The following HECW2 variants were observed in gnomAD, a reference collection of about 807,000 sequenced individuals.
The protein encoded by HECW2 is E3 ubiquitin-protein ligase HECW2.
In HECW2, 61 loss-of-function variants were observed where a neutral mutation model predicts 175.2. The ratio of observed to expected loss-of-function variants is 0.35; its 90% CI spans 0.28 to 0.43. The LOEUF (loss-of-function observed/expected upper bound fraction) is 0.43. Ranked by LOEUF, HECW2 falls within the 20% of genes least tolerant of loss-of-function variation. The pLI is 1.00. For missense variants in HECW2, 1,524 were observed against 2,000.5 expected (o/e 0.76, Z 4.54); for synonymous variants, 671 against 731.0 (o/e 0.92, Z 1.32).
At chr2:196,564,551 G>T (rs1013049318) in intron 1 of HECW2, among the ~76,000 whole-genome samples, 2 of 152,116 alleles carry the variant, frequency 1.3e-5, no homozygotes, top group African/African-American at 4.8e-5. Context: ...CATACATAGA[G>T]AATCAAATGT....
At chr2:196,497,686 G>T (rs944752208) in intron 1 of HECW2, among the ~76,000 whole-genome samples, 1 of 152,096 alleles carries the variant, frequency 6.6e-6, no homozygotes, top group Non-Finnish European at 1.5e-5. Flanking sequence ...ATAGAAACTA[G>T]AACCCCTTTT....
At chr2:196,512,884 G>A (rs1033819449) in intron 1 of HECW2, among the ~76,000 whole-genome samples, 1 of 151,796 alleles carries the variant, frequency 6.6e-6, no homozygotes, top group Non-Finnish European at 1.5e-5. Context: ...TAGAGACGGG[G>A]CCTCACCATG....
intron 18 of HECW2, among the ~76,000 whole-genome samples, 185 bp from the exon 19 acceptor site, chr2:196,254,214 G>A (rs1688964815): frequency 6.6e-6 from 1 of 152,130 alleles, no homozygotes; most frequent in Non-Finnish European, 1.5e-5. Flanking sequence ...TGTGAACCCT[G>A]TGGCTATTTC....
chr2:196,464,064 A>G (rs1696851222), intron 1 of HECW2, among the ~76,000 whole-genome samples: 1 of 151,466 alleles, frequency 6.6e-6, no homozygotes, highest in Non-Finnish European at 1.5e-5. Flanking sequence ...GGTTTAACCA[A>G]TACTTCTGAA....
intron 1 of HECW2, among the ~76,000 whole-genome samples, chr2:196,553,871 ATATT>A (rs999510889): frequency 6.6e-6 from 1 of 152,224 alleles, no homozygotes; most frequent in African/African-American, 2.4e-5. Context: ...GCCTCAAAAT[ATATT>A]TATGTGCTAG....
chr2:196,522,601 T>C (rs1237696589), intron 1 of HECW2, among the ~76,000 whole-genome samples: 2 of 152,158 alleles, frequency 1.3e-5, no homozygotes, highest in Non-Finnish European at 2.9e-5. Context: ...CTAGGGTTTT[T>C]ATGGTGTTAG....
rs34882745 is a variant in HECW2 at position 196,397,537 on chromosome 2, T to C, written c.292+35595A>G. On this transcript the variant is annotated intron_variant, in intron 2 of 28. Coordinates refer to ENST00000644978, the MANE Select transcript of HECW2 (RefSeq NM_001348768.2). ...AAGTGAGTTTGGTTTGTTTTTTCTT[T>C]TTATTATTTTTAAAAAATGTATTCT... Among the ~76,000 whole-genome samples, 898 of 152,344 alleles carry C rather than the reference T, an allele frequency of 5.9e-3. 9 individuals are homozygous for C. Among genetic ancestry groups the C allele is most frequent in the Non-Finnish European group, 0.011 (728 of 68,030 alleles).
chr2:196,266,188 C>T (rs1453960977), intron 17 of HECW2, among the ~76,000 whole-genome samples: 1 of 107,960 alleles, frequency 9.3e-6, no homozygotes, highest in Non-Finnish European at 1.9e-5. Flanking sequence ...AAAAAAAAAA[C>T]ACAAAACAAT....
intron 28 of HECW2, among the ~76,000 whole-genome samples, chr2:196,209,723 T>G (rs982062188): frequency 6.6e-6 from 1 of 151,964 alleles, no homozygotes; most frequent in Non-Finnish European, 1.5e-5. Context: ...AGGGTCCTTC[T>G]AGTACTCATC....
At chr2:196,228,794 A>G (rs1312389700) in intron 21 of HECW2, among the ~76,000 whole-genome samples, 1 of 152,210 alleles carries the variant, frequency 6.6e-6, no homozygotes, top group Non-Finnish European at 1.5e-5. Flanking sequence ...GCTCAGTAGC[A>G]AAAAATGGAG....
At chr2:196,465,027 C>T (rs905627066) in intron 1 of HECW2, among the ~76,000 whole-genome samples, 1 of 152,212 alleles carries the variant, frequency 6.6e-6, no homozygotes, top group East Asian at 1.9e-4. Context: ...CAGTACAAGA[C>T]TCTGTTTCAA....
intron 1 of HECW2, among the ~76,000 whole-genome samples, chr2:196,510,030 G>A (rs1418058438): frequency 6.6e-6 from 1 of 152,070 alleles, no homozygotes; most frequent in African/African-American, 2.4e-5. Context: ...TCCATTAATA[G>A]CCAAACTTTA....
At chr2:196,363,189 T>C (rs1222309517) in intron 2 of HECW2, among the ~76,000 whole-genome samples, 1 of 152,100 alleles carries the variant, frequency 6.6e-6, no homozygotes, top group Non-Finnish European at 1.5e-5. Context: ...ACTATGACTT[T>C]CCAGTGTCCT....
At chr2:196,534,153 T>G (rs1688938303) in intron 1 of HECW2, among the ~76,000 whole-genome samples, 1 of 152,222 alleles carries the variant, frequency 6.6e-6, no homozygotes, top group Non-Finnish European at 1.5e-5. Context: ...GTATGTATAA[T>G]TTTAGCATCC....
chr2:196,233,008 A>G lies in HECW2; in HGVS notation c.3765-4754T>C, dbSNP rs144390882. 1.1e-3 allele frequency among the ~76,000 whole-genome samples: 171 copies of G among 152,360 alleles called. 1 individual carries two copies. Among genetic ancestry groups the G allele is most frequent in the East Asian group, 4.8e-3 (25 of 5,196 alleles). ...AACTGCCTATCTGAGAGCAGGTTGT[A>G]GATTACAATTTATAAATAAGCCTAG... On this transcript the variant is annotated intron_variant, in intron 21 of 28. Coordinates refer to ENST00000644978, the MANE Select transcript of HECW2 (RefSeq NM_001348768.2).
chr2:196,391,881 T>C (rs1694522222), intron 2 of HECW2, among the ~76,000 whole-genome samples: 1 of 152,192 alleles, frequency 6.6e-6, no homozygotes, highest in South Asian at 2.1e-4. Flanking sequence ...CTCCTTGGTT[T>C]GTAGCTGAAT....
intron 2 of HECW2, among the ~76,000 whole-genome samples, chr2:196,370,563 AC>A (rs777943775): frequency 2.0e-5 from 3 of 152,140 alleles, no homozygotes; most frequent in Non-Finnish European, 2.9e-5. Flanking sequence ...CCCAAAGTCT[AC>A]TGGCTCTAAG....
chr2:196,220,919 G>A lies in HECW2; in HGVS notation c.4169C>T (p.Pro1390Leu). The change falls in exon 25 of 29, where the codon CCA becomes CTA. Residue 1390 changes from proline to leucine, a missense_variant. Transcript: ENST00000644978. ...TGTAACTGGGATATTGGCACCCCCTGGCTTTAATTCTCGTTCAGTTATCTG... is the reference window on the plus strand; with the variant it reads ...TGTAACTGGGATATTGGCACCCCCTAGCTTTAATTCTCGTTCAGTTATCTG... ...FGQITERELK[P>L]GGANIPVTEK... The A allele has an allele frequency of 6.2e-7, 1 of 1,613,924 alleles. No homozygotes were observed. Among genetic ancestry groups the A allele is most frequent in the Non-Finnish European group, 8.5e-7 (1 of 1,179,924 alleles).
intron 2 of HECW2, among the ~76,000 whole-genome samples, chr2:196,408,766 G>C (rs1478800235): frequency 1.3e-5 from 2 of 152,294 alleles, no homozygotes; most frequent in East Asian, 3.9e-4. Flanking sequence ...CACATGTTAA[G>C]TCAAGAGGAC....
Sources: allele counts gnomAD v4.1 joint callset (sites outside exome capture counted in the v4.1 genomes callset), GRCh38; gene constraint gnomAD v4.1.1; transcripts MANE v1.5; gene names NCBI Gene and HGNC (gene_info 2026-07-23, HGNC 2026-07-21).